RBFOX1: variants seen among roughly 807,000 people sequenced by gnomAD.
RBFOX1 encodes RNA binding protein fox-1 homolog 1.
RBFOX1 carries 8 observed loss-of-function variants against 57.7 expected under a neutral mutation model. The observed-to-expected ratio is 0.14, with a 90% CI of 0.08 to 0.25. The LOEUF (loss-of-function observed/expected upper bound fraction) is 0.25, where lower values mean the gene tolerates loss of function less well. RBFOX1 is among the 10% of genes least tolerant of loss of function. The pLI is 1.00. For synonymous variants in RBFOX1, 326 were observed against 222.4 expected, an observed-to-expected ratio of 1.47 and a Z score of -4.15; for missense variants, 611 against 548.5, an observed-to-expected ratio of 1.11 and a Z score of -1.14.
intron 4 of RBFOX1, among the ~76,000 whole-genome samples, chr16:7,510,883 T>G (rs1332265279): frequency 6.6e-6 from 1 of 152,174 alleles, no homozygotes; most frequent in African/African-American, 2.4e-5. Context: ...AGCTGGCTTA[T>G]TAGGTTTTGA....
chr16:6,802,607 G>A (rs899247005), intron 3 of RBFOX1, among the ~76,000 whole-genome samples: 2 of 152,174 alleles, frequency 1.3e-5, no homozygotes, highest in Non-Finnish European at 2.9e-5. Flanking sequence ...AACCTGGGTG[G>A]CCGAGATTGC....
chr16:7,446,068 T>A (rs1377651337), intron 4 of RBFOX1, among the ~76,000 whole-genome samples: 2 of 152,182 alleles, frequency 1.3e-5, no homozygotes, highest in Non-Finnish European at 2.9e-5. Flanking sequence ...TGCTACTCCA[T>A]CTTGTCTGAG....
At chr16:5,778,814 C>T (rs55814630) in intron 3 of RBFOX1, among the ~76,000 whole-genome samples, 8,366 of 152,246 alleles carry the variant, frequency 0.055, 345 homozygotes, top group Non-Finnish European at 0.082. Flanking sequence ...ATAAAAGTTA[C>T]ACGTCCTCTT....
chr16:6,003,690 C>A (rs2060642945), intron 4 of RBFOX1, among the ~76,000 whole-genome samples: 1 of 152,260 alleles, frequency 6.6e-6, no homozygotes, highest in African/African-American at 2.4e-5. Context: ...ATTCCCTAGG[C>A]CTGGGGCCTT....
chr16:6,100,457 C>A (rs1466596018), intron 1 of RBFOX1, among the ~76,000 whole-genome samples: 1 of 152,222 alleles, frequency 6.6e-6, no homozygotes, highest in Admixed American at 6.5e-5. Flanking sequence ...CCACCGCGCC[C>A]GGCCGGCTTA....
At chr16:6,583,560 G>T (rs2097566575) in intron 2 of RBFOX1, among the ~76,000 whole-genome samples, 1 of 152,182 alleles carries the variant, frequency 6.6e-6, no homozygotes, top group African/African-American at 2.4e-5. Context: ...TGGGATTGGG[G>T]AGAGCATCTT....
intron 3 of RBFOX1, among the ~76,000 whole-genome samples, chr16:6,965,050 T>C (rs570154732): frequency 1.6e-4 from 24 of 152,238 alleles, no homozygotes; most frequent in African/African-American, 5.1e-4. Flanking sequence ...TTCTCCTCCT[T>C]CCCTGGAGTC....
chr16:7,547,475 G>C (rs1470322881), intron 5 of RBFOX1, among the ~76,000 whole-genome samples: 2 of 152,194 alleles, frequency 1.3e-5, no homozygotes, highest in African/African-American at 4.8e-5. Flanking sequence ...ATGATCATCT[G>C]ACTGGGGCAT....
intron 1 of RBFOX1, among the ~76,000 whole-genome samples, chr16:6,211,268 G>A (rs575082472): frequency 2.0e-4 from 24 of 118,152 alleles, no homozygotes; most frequent in Non-Finnish European, 2.9e-4. Flanking sequence ...TCGCTTTGTC[G>A]CCCAGGCTGG....
intron 4 of RBFOX1, among the ~76,000 whole-genome samples, chr16:7,327,866 C>G (rs1396829258): frequency 6.6e-6 from 1 of 151,946 alleles, no homozygotes. Flanking sequence ...TCATCATCCC[C>G]TTCTGTGGAC....
intron 4 of RBFOX1, among the ~76,000 whole-genome samples, chr16:7,377,352 G>T (rs916363693): frequency 1.3e-5 from 2 of 152,174 alleles, no homozygotes; most frequent in African/African-American, 4.8e-5. Flanking sequence ...CCAATCGGAA[G>T]ACATCTCATT....
chr16:7,015,106 C>G (rs573625557), intron 3 of RBFOX1, among the ~76,000 whole-genome samples: 36 of 152,268 alleles, frequency 2.4e-4, no homozygotes, highest in Non-Finnish European at 4.0e-4. Context: ...AACTTGGGGT[C>G]TGAGACAGAG....
At chr16:5,887,872 G>C (rs2057939756) in intron 4 of RBFOX1, among the ~76,000 whole-genome samples, 1 of 152,168 alleles carries the variant, frequency 6.6e-6, no homozygotes, top group South Asian at 2.1e-4. Context: ...CTGAGTTACA[G>C]CAAAATTTGA....
chr16:5,288,156 A>C (rs540655524), intron 1 of RBFOX1, among the ~76,000 whole-genome samples: 1 of 152,222 alleles, frequency 6.6e-6, no homozygotes, highest in Non-Finnish European at 1.5e-5. Flanking sequence ...TTTCCGATCA[A>C]TTTTGACAAA....
intron 3 of RBFOX1, among the ~76,000 whole-genome samples, chr16:6,979,964 C>T (rs1003998367): frequency 1.3e-5 from 2 of 152,140 alleles, no homozygotes; most frequent in African/African-American, 2.4e-5. Flanking sequence ...CTTTCATTTT[C>T]CTGTTGGAGT....
chr16:5,306,931 C>G (rs1007473297), intron 1 of RBFOX1, among the ~76,000 whole-genome samples: 1 of 152,180 alleles, frequency 6.6e-6, no homozygotes, highest in South Asian at 2.1e-4. Context: ...GAAGCAGCAG[C>G]CAGTGGGGGT....
At chr16:6,540,562 A>C (rs1234686958) in intron 2 of RBFOX1, among the ~76,000 whole-genome samples, 1 of 137,114 alleles carries the variant, frequency 7.3e-6, no homozygotes, top group Non-Finnish European at 1.5e-5. Context: ...CAGTGAGCCG[A>C]GATTGCACCA....
chr16:5,523,172 G>C (rs1428671660), intron 2 of RBFOX1, among the ~76,000 whole-genome samples: 4 of 152,118 alleles, frequency 2.6e-5, no homozygotes, highest in African/African-American at 9.7e-5. Flanking sequence ...TGTAATTCCA[G>C]CTACTCGGGA....
At chr16:7,650,218 A>G (rs964542594) in intron 11 of RBFOX1, among the ~76,000 whole-genome samples, 1 of 152,188 alleles carries the variant, frequency 6.6e-6, no homozygotes, top group African/African-American at 2.4e-5. Context: ...TTAACAAGAA[A>G]GAGACCACTG....
Sources: allele counts gnomAD v4.1 joint callset (sites outside exome capture counted in the v4.1 genomes callset), GRCh38; gene constraint gnomAD v4.1.1; transcripts MANE v1.5; gene names NCBI Gene and HGNC (gene_info 2026-07-23, HGNC 2026-07-21).